SUMF1: variants seen among roughly 807,000 people sequenced by gnomAD.
The protein encoded by SUMF1 is formylglycine-generating enzyme.
SUMF1 carries 48 observed loss-of-function variants against 47.6 expected under a neutral mutation model. The ratio of observed to expected loss-of-function variants is 1.01; its 90% CI spans 0.80 to 1.28. The LOEUF (loss-of-function observed/expected upper bound fraction) is 1.28. Ranked by LOEUF, SUMF1 falls within the 50% of genes most tolerant of loss-of-function variation. SUMF1 has a pLI of 0.00. For synonymous variants in SUMF1, 230 were observed against 192.1 expected (o/e 1.20, Z -1.63); for missense variants, 571 against 485.4 (o/e 1.18, Z -1.66).
At chr3:4,198,744 G>A (rs751304418) in intron 8 of SUMF1, among the ~76,000 whole-genome samples, 2 of 151,906 alleles carry the variant, frequency 1.3e-5, no homozygotes, top group Non-Finnish European at 2.9e-5. Context: ...ACCCTCTCCC[G>A]CTGAGTCTCA....
At chr3:4,371,249 A>C (rs1409437984) in intron 8 of SUMF1, among the ~76,000 whole-genome samples, 1 of 152,100 alleles carries the variant, frequency 6.6e-6, no homozygotes, top group East Asian at 1.9e-4. Flanking sequence ...GGGTCATTCT[A>C]TTAATTAAGA....
chr3:4,198,023 T>A (rs200999296), intron 8 of SUMF1, among the ~76,000 whole-genome samples: 1 of 113,186 alleles, frequency 8.8e-6, no homozygotes, highest in Non-Finnish European at 1.7e-5. Context: ...TTTGTGTTTG[T>A]TTTAGGCTTT....
chr3:4,400,144 T>A (rs1701164893), intron 7 of SUMF1, among the ~76,000 whole-genome samples: 1 of 152,138 alleles, frequency 6.6e-6, no homozygotes, highest in African/African-American at 2.4e-5. Flanking sequence ...TCTACCTGAA[T>A]TCCCAGAGTA....
chr3:4,196,929 A>T (rs2587929), intron 8 of SUMF1, among the ~76,000 whole-genome samples: 48,731 of 151,958 alleles, frequency 0.32, 7,947 homozygotes, highest in East Asian at 0.4. Flanking sequence ...CCTCAACACC[A>T]GGCATCTTGA....
At chr3:4,313,796 C>T in intron 8 of SUMF1, 1 of 1,612,046 alleles carries the variant, frequency 6.2e-7, no homozygotes, top group Non-Finnish European at 8.5e-7. Context: ...CTTGCCCCTC[C>T]CTATAGTGGA....
In SUMF1 at chr3:4,087,969, G is replaced by GA. The variant is rs763016430; in HGVS notation, c.1015-19225dup. 3.3e-4 allele frequency among the ~76,000 whole-genome samples: 50 copies of GA among 149,574 alleles called. 1 individual carries two copies. Among genetic ancestry groups the GA allele is most frequent in the Admixed American group, 6.0e-4 (9 of 15,038 alleles). ...AAATTAATGATTGAGAGCTTGATTT[G>GA]AAAAAAAAATGCACACTCCTATTTG... On this transcript the variant is annotated intron_variant and NMD_transcript_variant, in intron 8 of 12. Coordinates refer to the SUMF1 transcript ENST00000448413.
chr3:4,433,875 T>C (rs1388803732), intron 3 of SUMF1, among the ~76,000 whole-genome samples: 1 of 152,160 alleles, frequency 6.6e-6, no homozygotes, highest in African/African-American at 2.4e-5. Flanking sequence ...CACTGATGGA[T>C]AACAGACCTC....
intron 3 of SUMF1, among the ~76,000 whole-genome samples, chr3:4,444,915 G>A (rs1702727748): frequency 1.3e-5 from 2 of 152,140 alleles, no homozygotes; most frequent in South Asian, 4.1e-4. Context: ...TGAGGGGTAG[G>A]GGAGGGAGCA....
At chr3:4,151,448 TGTATAC>T (rs1694327134) in intron 8 of SUMF1, among the ~76,000 whole-genome samples, 5 of 143,292 alleles carry the variant, frequency 3.5e-5, no homozygotes, top group East Asian at 2.0e-4. Flanking sequence ...TATGTATATA[TGTATAC>T]ATGTGTATAT....
At chr3:4,209,137 C>G (rs1298842733) in intron 8 of SUMF1, among the ~76,000 whole-genome samples, 1 of 152,118 alleles carries the variant, frequency 6.6e-6, no homozygotes, top group Non-Finnish European at 1.5e-5. Context: ...GGATATTATC[C>G]TTTTAATGAT....
chr3:4,165,438 G>A (rs1181232142), intron 8 of SUMF1, among the ~76,000 whole-genome samples: 1 of 152,074 alleles, frequency 6.6e-6, no homozygotes, highest in Non-Finnish European at 1.5e-5. Context: ...CTGGGTGGGG[G>A]AGATTAAAGG....
intron 1 of SUMF1, among the ~76,000 whole-genome samples, chr3:4,456,739 T>C (rs559086083): frequency 0.012 from 1,139 of 94,528 alleles, 60 homozygotes; most frequent in African/African-American, 0.044. Context: ...TGTGTATATA[T>C]ACACACATAT....
intron 8 of SUMF1, among the ~76,000 whole-genome samples, chr3:4,152,521 G>A (rs1483021674): frequency 6.7e-6 from 1 of 150,258 alleles, no homozygotes; most frequent in East Asian, 1.9e-4. Context: ...TCAAACTCCT[G>A]GGCTCAAGTG....
rs1371013892 is a variant in SUMF1 at position 4,347,402 on chromosome 3, C to A, written c.1014+28928G>T. Reference sequence around the variant, plus strand: ...ACATACACAAATCAATAAACATAATCCATTACATAAACAGAACCAATGACA... The same window carrying A: ...ACATACACAAATCAATAAACATAATACATTACATAAACAGAACCAATGACA... On this transcript the variant is annotated intron_variant and NMD_transcript_variant, in intron 8 of 12. Coordinates refer to the SUMF1 transcript ENST00000448413. Among the ~76,000 whole-genome samples, 3 of 152,120 alleles carry A rather than the reference C, an allele frequency of 2.0e-5. No individual in the cohort carries two copies. In the East Asian group the frequency reaches 5.8e-4, roughly 29 times the overall value.
intron 3 of SUMF1, among the ~76,000 whole-genome samples, chr3:4,429,496 A>G (rs2125067949): frequency 6.6e-6 from 1 of 152,362 alleles, no homozygotes; most frequent in African/African-American, 2.4e-5. Context: ...AGAACATAGA[A>G]AAGGCATTTT....
intron 8 of SUMF1, chr3:4,316,963 G>A (rs376155280): frequency 9.7e-5 from 151 of 1,549,268 alleles, no homozygotes; most frequent in Non-Finnish European, 1.2e-4. Context: ...GACAATGCCC[G>A]ACCGCATGTT....
At chr3:4,307,904 C>T (rs1575074580) in intron 8 of SUMF1, among the ~76,000 whole-genome samples, 1 of 152,098 alleles carries the variant, frequency 6.6e-6, no homozygotes, top group African/African-American at 2.4e-5. Flanking sequence ...TTTAAATTAA[C>T]CAGACATGGT....
intron 8 of SUMF1, among the ~76,000 whole-genome samples, chr3:4,147,798 CA>C (rs1027740635): frequency 4.6e-5 from 7 of 152,248 alleles, no homozygotes; most frequent in Admixed American, 1.3e-4. Context: ...GCAGAATGAT[CA>C]TATCAATCGG....
intron 8 of SUMF1, among the ~76,000 whole-genome samples, chr3:4,307,485 T>G (rs1280384552): frequency 6.6e-6 from 1 of 152,208 alleles, no homozygotes; most frequent in Non-Finnish European, 1.5e-5. Context: ...AAGTTCATGC[T>G]ATTAACAGTA....
Sources: gnomAD v4.1 joint callset for allele counts (sites outside exome capture counted in the v4.1 genomes callset) on GRCh38, gnomAD v4.1.1 for gene constraint, MANE v1.5 for transcripts, NCBI Gene and HGNC (gene_info 2026-07-23, HGNC 2026-07-21) for gene names.